PCDHGA1: variants seen among roughly 807,000 people sequenced by gnomAD.
PCDHGA1 encodes the protein protocadherin gamma-A1.
In PCDHGA1, 32 loss-of-function variants were observed where a neutral mutation model predicts 58.0. The observed-to-expected ratio is 0.55, with a 90% confidence interval of 0.42 to 0.74. The LOEUF is 0.74. Ranked by LOEUF, PCDHGA1 falls within the 30% of genes least tolerant of loss-of-function variation. PCDHGA1 has a pLI of 0.00. For missense variants in PCDHGA1, 1,205 were observed against 1,182.3 expected (o/e 1.02, Z -0.28); for synonymous variants, 498 against 501.1 (o/e 0.99, Z 0.08).
intron 1 of PCDHGA1, chr5:141,365,322 C>T (rs1344591303): frequency 6.2e-7 from 1 of 1,613,958 alleles, no homozygotes; most frequent in South Asian, 1.1e-5. Flanking sequence ...GTTGCCAGCG[C>T]TAAGGTGGTG....
At chr5:141,448,074 G>A (rs1008235342) in intron 1 of PCDHGA1, among the ~76,000 whole-genome samples, 3 of 151,152 alleles carry the variant, frequency 2.0e-5, no homozygotes, top group Admixed American at 1.3e-4. Context: ...CAACATGAAC[G>A]AAATGCCATC....
intron 1 of PCDHGA1, chr5:141,385,474 T>C (rs554098554): frequency 2.1e-6 from 3 of 1,436,644 alleles, no homozygotes; most frequent in African/African-American, 1.4e-5. Flanking sequence ...GGTGACACTT[T>C]AATATAGAAC....
In PCDHGA1 at chr5:141,489,255, A is replaced by G. The variant is rs909780010; in HGVS notation, c.2422-5552A>G. 2 of 1,548,804 alleles carry G rather than the reference A, an allele frequency of 1.3e-6. No individual in the cohort carries two copies. Among genetic ancestry groups the G allele is most frequent in the Non-Finnish European group, 1.7e-6 (2 of 1,147,848 alleles). On this transcript the variant is annotated intron_variant, in intron 1 of 3. Coordinates refer to ENST00000517417, the MANE Select transcript of PCDHGA1 (RefSeq NM_018912.3). The surrounding 1 kb of genome is among the most constrained non-coding windows in gnomAD (Gnocchi z 4.5). ...ACTTCTGGGTCATGGGGCCCAAGAC[A>G]CTCCCACAGCTCGCTGGGAAATGGC...
chr5:141,375,369 C>A lies in PCDHGA1; in HGVS notation c.2421+42264C>A. On this transcript the variant is annotated intron_variant, in intron 1 of 3. Coordinates refer to ENST00000517417, the MANE Select transcript of PCDHGA1 (RefSeq NM_018912.3). ...ACTGTGACAGCCACGGACAAAGGAA[C>A]ACCACCTCTGTCTACAGAAACAATC... 1 of 1,613,892 alleles carries A rather than the reference C, an allele frequency of 6.2e-7. No individual in the cohort carries two copies. Among genetic ancestry groups the A allele is most frequent in the South Asian group, 1.1e-5 (1 of 91,084 alleles).
chr5:141,459,862 C>T (rs931723906), intron 1 of PCDHGA1, among the ~76,000 whole-genome samples: 3 of 152,158 alleles, frequency 2.0e-5, no homozygotes, highest in East Asian at 1.9e-4. Context: ...TTGAAGCATT[C>T]GTTCATCTTT....
Position 141,511,380 on chromosome 5 carries a change from C to T in PCDHGA1, c.*207C>T, listed in dbSNP as rs896762148. 1.5e-5 allele frequency: 18 copies of T among 1,170,372 alleles called. No homozygotes were observed. The highest frequency in any genetic ancestry group is 3.0e-4 in the Middle Eastern group (1 of 3,384). 72.5% of individuals were successfully genotyped at this position (1,170,372 alleles called of 1,614,324 possible). ...GGGGTTGAATATGCAAAAGCAGTTC[C>T]GCTGGGAACCCCCATCCAATCAACT... is the stretch of plus-strand genomic sequence containing the variant. On this transcript the variant is annotated 3_prime_UTR_variant, in exon 4 of 4. Coordinates refer to ENST00000517417, the MANE Select transcript of PCDHGA1 (RefSeq NM_018912.3).
chr5:141,494,746 C>A lies in PCDHGA1; in HGVS notation c.2422-61C>A. 3 of 1,613,088 alleles carry A rather than the reference C, an allele frequency of 1.9e-6. No individual in the cohort carries two copies. The South Asian group carries it at 3.3e-5, about 18-fold the overall frequency. On this transcript the variant is annotated intron_variant, in intron 1 of 3. Coordinates refer to ENST00000517417, the MANE Select transcript of PCDHGA1 (RefSeq NM_018912.3). ...TTCTCTCCCGGCCCATCCCTAGGGG[C>A]TCGGGTGACATTCTAACTTCTCACG...
At chr5:141,383,892 A>C (rs775731680) in intron 1 of PCDHGA1, 120 of 1,613,900 alleles carry the variant, frequency 7.4e-5, no homozygotes, top group Non-Finnish European at 9.4e-5. Flanking sequence ...TGACAAAGGC[A>C]AAAGTACTGA....
chr5:141,373,545 G>A (rs1396644712), intron 1 of PCDHGA1, among the ~76,000 whole-genome samples: 1 of 152,122 alleles, frequency 6.6e-6, no homozygotes, highest in African/African-American at 2.4e-5. Context: ...TGTGGTTGTT[G>A]GTACCCTTAC....
At chr5:141,342,355 T>A (rs2149727825) in intron 1 of PCDHGA1, 1 of 152,302 alleles carries the variant, frequency 6.6e-6, no homozygotes, top group Non-Finnish European at 1.5e-5. Context: ...CCCATTCCTC[T>A]TCCTATATTG....
Position 141,432,325 on chromosome 5 carries a change from C to CGAGCA in PCDHGA1, c.2422-62480_2422-62476dup, listed in dbSNP as rs768604869. On this transcript the variant is annotated intron_variant, in intron 1 of 3. Coordinates refer to ENST00000517417, the MANE Select transcript of PCDHGA1 (RefSeq NM_018912.3). This position sits in a 1 kb window ranked among gnomAD's most constrained non-coding sequence, Gnocchi z 6.0. Reference sequence around the variant, plus strand: ...TGTATGCGCTGAGCTCCTTCGACTACGAGCAGTTCCGAGACTTGCAAGTGA... The same window carrying CGAGCA: ...TGTATGCGCTGAGCTCCTTCGACTACGAGCAGAGCAGTTCCGAGACTTGCAAGTGA... 20 of 1,614,142 alleles carry CGAGCA rather than the reference C, an allele frequency of 1.2e-5. No individual in the cohort carries two copies. Among genetic ancestry groups the CGAGCA allele is most frequent in the Non-Finnish European group, 1.7e-5 (20 of 1,180,050 alleles).
At chr5:141,469,314 C>A (rs982242861) in intron 1 of PCDHGA1, among the ~76,000 whole-genome samples, 1 of 151,982 alleles carries the variant, frequency 6.6e-6, no homozygotes, top group Non-Finnish European at 1.5e-5. Flanking sequence ...CGATGGCTCA[C>A]GCCTGTAATC....
At chr5:141,339,596 C>T in intron 1 of PCDHGA1, 12 of 1,614,190 alleles carry the variant, frequency 7.4e-6, no homozygotes, top group Non-Finnish European at 1.0e-5. Context: ...GGCTGTTCAC[C>T]ACCTCGTTCT....
rs950164698 is a variant in PCDHGA1, at chr5:141,423,459, G to A, written c.2422-71348G>A. ...TGCCCACGTCACATTTTGTAGGCGT[G>A]GACGGGGTACAGGCTTTCCTGCAAA... On this transcript the variant is annotated intron_variant, in intron 1 of 3. Coordinates refer to ENST00000517417, the MANE Select transcript of PCDHGA1 (RefSeq NM_018912.3). 4.3e-6 allele frequency: 7 copies of A among 1,614,006 alleles called. No individual in the cohort carries two copies. In the South Asian group the frequency reaches 6.6e-5, roughly 15 times the overall value.
At position 141,414,543 on chromosome 5, in the gene PCDHGA1, C is replaced by T. The variant is rs369387885; in HGVS notation, c.2422-80264C>T. The T allele has an allele frequency of 5.0e-6, 8 of 1,613,880 alleles. No individual in the cohort carries two copies. The African/African-American group carries it at 1.1e-4, about 22-fold the overall frequency. ...ATATCAATGACAACCCACCTACCTT[C>T]TCTCAAGTCTCCTACTTTACCTATA... On this transcript the variant is annotated intron_variant, in intron 1 of 3. Transcript: ENST00000517417.
rs572270591 is a variant in PCDHGA1, at chr5:141,397,633, T to C, written c.2421+64528T>C. The stretch of plus-strand genomic sequence containing the variant: ...GGCAATACTTAGTTCTAGCTAAGAG[T>C]TCAAGGTATGTTTGCAGAATGGTGA... On this transcript the variant is annotated intron_variant, in intron 1 of 3. Coordinates refer to ENST00000517417, the MANE Select transcript of PCDHGA1 (RefSeq NM_018912.3). Among the ~76,000 whole-genome samples, 5 of 152,252 alleles carry C rather than the reference T, an allele frequency of 3.3e-5. No homozygotes were observed. In the East Asian group the frequency reaches 9.7e-4, roughly 29 times the overall value.
chr5:141,452,364 A>G (rs1330623001), intron 1 of PCDHGA1, among the ~76,000 whole-genome samples: 1 of 152,188 alleles, frequency 6.6e-6, no homozygotes, highest in African/African-American at 2.4e-5. Flanking sequence ...GCCTTGCTTC[A>G]TTTTAGTAGG....
In PCDHGA1 at chr5:141,502,614, T is replaced by C. The variant is rs534996288; in HGVS notation, c.2481-2779T>C. Among the ~76,000 whole-genome samples the C allele has an allele frequency of 7.2e-5, 11 of 152,316 alleles. No homozygotes were observed. In the East Asian group the frequency reaches 1.7e-3, roughly 24 times the overall value. ...AGATATTTTAAAATATTTGTGAAAATATAAGTAATCTGTGGATGATACTTT... is the reference window on the plus strand; with the variant it reads ...AGATATTTTAAAATATTTGTGAAAACATAAGTAATCTGTGGATGATACTTT... On this transcript the variant is annotated intron_variant, in intron 2 of 3. Transcript: ENST00000517417.
At position 141,487,425 on chromosome 5, in the gene PCDHGA1, G is replaced by A. The variant is rs116499036; in HGVS notation, c.2422-7382G>A. ...CTTCCCCCTTCCAATGGGATCCTCCGAATCCAGCTAGGGTCAGATGACCCT... is the reference window on the plus strand; with the variant it reads ...CTTCCCCCTTCCAATGGGATCCTCCAAATCCAGCTAGGGTCAGATGACCCT... On this transcript the variant is annotated intron_variant, in intron 1 of 3. Coordinates refer to ENST00000517417, the MANE Select transcript of PCDHGA1 (RefSeq NM_018912.3). This position sits in a 1 kb window ranked among gnomAD's most constrained non-coding sequence, Gnocchi z 5.0. The A allele has an allele frequency of 1.1e-5, 17 of 1,613,988 alleles. No individual in the cohort carries two copies. The highest frequency in any genetic ancestry group is 1.6e-4 in the Middle Eastern group (1 of 6,084).
Sources: gnomAD v4.1 joint callset for allele counts (sites outside exome capture counted in the v4.1 genomes callset) on GRCh38, gnomAD v4.1.1 for gene constraint, Gnocchi (gnomAD v3.1) non-coding constraint, MANE v1.5 for transcripts, NCBI Gene and HGNC (gene_info 2026-07-23, HGNC 2026-07-21) for gene names.